Variants in TRAP1 observed in about 807,000 individuals in gnomAD.
The protein encoded by TRAP1 is heat shock protein 75 kDa, mitochondrial.
In TRAP1, 102 loss-of-function variants were observed where a neutral mutation model predicts 89.1. The ratio of observed to expected loss-of-function variants is 1.15; its 90% CI spans 0.98 to 1.35. The LOEUF is 1.35. TRAP1 is among the 40% of genes most tolerant of loss of function. The probability of loss-of-function intolerance (pLI) is 0.00; values close to 1 mark genes in which losing one functional copy is unlikely to be tolerated. For missense variants in TRAP1, 1,256 were observed against 945.3 expected, an observed-to-expected ratio of 1.33 and a Z score of -4.31; for synonymous variants, 508 against 388.0, an observed-to-expected ratio of 1.31 and a Z score of -3.64.
At chr16:3,687,703 G>C (rs1013379205) in intron 3 of TRAP1, among the ~76,000 whole-genome samples, 1 of 151,854 alleles carries the variant, frequency 6.6e-6, no homozygotes, top group African/African-American at 2.4e-5. Context: ...GGGCAACACG[G>C]CAAAACTCCG....
chr16:3,674,376 G>T lies in TRAP1; in HGVS notation c.1007C>A (p.Pro336Gln). 1 of 1,614,102 alleles carries T rather than the reference G, an allele frequency of 6.2e-7. No homozygotes were observed. The highest frequency in any genetic ancestry group is 1.7e-5 in the Admixed American group (1 of 60,026). ...RYTLHYKTDA[P>Q]LNIRSIFYVP... The stretch of plus-strand genomic sequence containing the variant: ...GTAGAAGATGCTGCGGATGTTGAGC[G>T]GTGCGTCCGTCTTATAGTGCAGGGT... Residue 336 changes from proline to glutamine, a missense_variant, in exon 9 of 18, where the codon CCG (proline) becomes CAG (glutamine). Pro to Gln is a moderately conservative substitution (Grantham distance 76). Transcript: ENST00000246957.
intron 1 of TRAP1, among the ~76,000 whole-genome samples, chr16:3,692,871 T>C (rs1308442071): frequency 6.6e-6 from 1 of 152,038 alleles, no homozygotes; most frequent in African/African-American, 2.4e-5. Context: ...AGTGCTAGGA[T>C]TACAGGCATG....
In TRAP1 at chr16:3,675,332, T is replaced by C. The variant is rs2050974627; in HGVS notation, c.880A>G (p.Thr294Ala). The part of the protein sequence containing the change: ...PLYLNGRRMN[T>A]LQAIWMMDPK... ...AGGAACTCAGGGCTCACCTGCAAGG[T>C]GTTCATCCGCCTTCCATTCAAGTAC... Residue 294 changes from threonine to alanine, a missense_variant, in exon 8 of 18, where the codon ACC becomes GCC. By Grantham distance (58) the Thr-to-Ala change is moderately conservative. Coordinates refer to ENST00000246957, the MANE Select transcript of TRAP1 (RefSeq NM_016292.3). 1.2e-6 allele frequency: 2 copies of C among 1,614,010 alleles called. No homozygotes were observed. Among genetic ancestry groups the C allele is most frequent in the Non-Finnish European group, 1.7e-6 (2 of 1,179,908 alleles).
At chr16:3,696,337 C>A (rs1413988022) in intron 1 of TRAP1, among the ~76,000 whole-genome samples, 2 of 152,108 alleles carry the variant, frequency 1.3e-5, no homozygotes, top group Non-Finnish European at 2.9e-5. Context: ...CAGAAGGGCT[C>A]CCAGTGGCAG....
intron 8 of TRAP1, chr16:3,674,836 C>A (rs2050966829): frequency 2.7e-6 from 1 of 368,776 alleles, no homozygotes; most frequent in Non-Finnish European, 5.1e-6. Flanking sequence ...CGCTGCACCG[C>A]AGCTGAGCCG....
At chr16:3,663,162 A>T in intron 14 of TRAP1, 195 bp from the exon 15 acceptor site, 1 of 657,960 alleles carries the variant, frequency 1.5e-6, no homozygotes, top group Non-Finnish European at 2.6e-6. Context: ...CAACTTGGTT[A>T]GGGCTTTAAA....
At chr16:3,658,546 G>C (rs2042860250) in intron 17 of TRAP1, 4 of 575,338 alleles carry the variant, frequency 7.0e-6, no homozygotes, top group South Asian at 2.1e-5. Context: ...CCAGGCGCAT[G>C]CCTGTAGTCC....
rs1436263704 is a variant in TRAP1 at position 3,662,925 on chromosome 16, G to A, written c.1751C>T (p.Ala584Val). 1 of 1,613,036 alleles carries A rather than the reference G, an allele frequency of 6.2e-7. No homozygotes were observed. The highest frequency in any genetic ancestry group is 2.2e-5 in the East Asian group (1 of 44,876). Residue 584 changes from alanine to valine, a missense_variant, in exon 15 of 18, where the codon GCC (alanine) becomes GTC (valine). Transcript: ENST00000246957. ...LSEKETEELMAWMRNVLGSRV... is the reference protein window; with the variant it reads ...LSEKETEELMVWMRNVLGSRV... ...CGACCCCAGCACATTTCTCATCCAGGCCATGAGCTCCTCCGTCTCCTTCTC... is the reference window on the plus strand; with the variant it reads ...CGACCCCAGCACATTTCTCATCCAGACCATGAGCTCCTCCGTCTCCTTCTC...
chr16:3,674,379 G>A lies in TRAP1; in HGVS notation c.1004C>T (p.Ala335Val). The change falls in exon 9 of 18, where the codon GCA becomes GTA. Residue 335 changes from alanine to valine, a missense_variant. Coordinates refer to ENST00000246957, the MANE Select transcript of TRAP1 (RefSeq NM_016292.3). ...PRYTLHYKTD[A>V]PLNIRSIFYV... ...GAAGATGCTGCGGATGTTGAGCGGTGCGTCCGTCTTATAGTGCAGGGTGTA... is the reference window on the plus strand; with the variant it reads ...GAAGATGCTGCGGATGTTGAGCGGTACGTCCGTCTTATAGTGCAGGGTGTA... 6.2e-7 allele frequency: 1 copy of A among 1,614,118 alleles called. No individual in the cohort carries two copies. The highest frequency in any genetic ancestry group is 1.3e-5 in the African/African-American group (1 of 75,074).
intron 13 of TRAP1, chr16:3,663,838 C>T: frequency 4.5e-6 from 2 of 442,362 alleles, no homozygotes; most frequent in East Asian, 4.2e-5. Context: ...CTTTGGGAGG[C>T]CAAAGCAGGC....
At chr16:3,679,283 C>G (rs1429430530) in intron 5 of TRAP1, among the ~76,000 whole-genome samples, 15 of 151,950 alleles carry the variant, frequency 9.9e-5, no homozygotes. Context: ...TTTGCAGATT[C>G]AACCAGCCAA....
chr16:3,696,590 C>G lies in TRAP1; in HGVS notation c.89-5605G>C, dbSNP rs139619796. Among the ~76,000 whole-genome samples the G allele has an allele frequency of 4.0e-4, 61 of 152,310 alleles. No homozygotes were observed. In the East Asian group the frequency reaches 0.011, roughly 27 times the overall value. On this transcript the variant is annotated intron_variant, in intron 1 of 17. Coordinates refer to ENST00000246957, the MANE Select transcript of TRAP1 (RefSeq NM_016292.3). ...TACTATTTTGAGACAGGGTCTCACT[C>G]TGTTGCCCAGGCTGGATCACAATGG...
rs944044419 is a variant in TRAP1 at position 3,661,992 on chromosome 16, G to T, written c.1935C>A (p.Asn645Lys). 6.2e-7 allele frequency: 1 copy of T among 1,606,034 alleles called. No homozygotes were observed. Among genetic ancestry groups the T allele is most frequent in the Non-Finnish European group, 8.5e-7 (1 of 1,175,568 alleles). The part of the protein sequence containing the change: ...AQLLQPTLEI[N>K]PRHALIKKLN... ...AGCCAGGAGCGTGGCCTCACCTGGG[G>T]TTGATCTCCAGCGTGGGCTGCAGGA... Residue 645 changes from asparagine (N) to lysine (K), a missense_variant, in exon 16 of 18, where the codon AAC becomes AAA. Physicochemically the swap from Asn to Lys is moderately conservative, Grantham distance 94. Coordinates refer to ENST00000246957, the MANE Select transcript of TRAP1 (RefSeq NM_016292.3).
At chr16:3,700,726 A>C (rs1256651355) in intron 1 of TRAP1, among the ~76,000 whole-genome samples, 1 of 152,156 alleles carries the variant, frequency 6.6e-6, no homozygotes, top group East Asian at 1.9e-4. Flanking sequence ...TCAGCCTCCC[A>C]AAGTGGTGGG....
At chr16:3,660,097 T>G (rs1258158737) in intron 16 of TRAP1, 1 of 152,162 alleles carries the variant, frequency 6.6e-6, no homozygotes, top group Non-Finnish European at 1.5e-5. Flanking sequence ...AAGGACATTC[T>G]TAATATGCTA....
chr16:3,663,296 G>A, intron 14 of TRAP1, 128 bp downstream of exon 14: 1 of 1,275,230 alleles, frequency 7.8e-7, no homozygotes, highest in Non-Finnish European at 1.1e-6. Flanking sequence ...GCTCCCACAA[G>A]GCTCTTCTCG....
Position 3,689,124 on chromosome 16 carries a change from T to C in TRAP1, c.261A>G (p.Lys87=), listed in dbSNP as rs780301180. The C allele has an allele frequency of 4.3e-6, 7 of 1,613,834 alleles. No homozygotes were observed. In the East Asian group the frequency reaches 1.1e-4, roughly 26 times the overall value. The change falls in exon 3 of 18, where the codon AAA becomes AAG. Residue 87 remains lysine, a synonymous_variant. Transcript: ENST00000246957. ...TCTTTGTCTCGGCCTGGAACTCATG[T>C]TTGGAAGTGGAACCTAGTAATGAAA... ...STESVQGSTS[K]HEFQAETKKL...
Position 3,675,362 on chromosome 16 carries a change from G to T in TRAP1, c.850C>A (p.Pro284Thr), listed in dbSNP as rs796163373. Residue 284 changes from proline (P) to threonine (T), a missense_variant, in exon 8 of 18, where the codon CCC becomes ACC. Transcript: ENST00000246957. The part of the protein sequence containing the change: ...VTKYSNFVSF[P>T]LYLNGRRMNT... ...ATCCGCCTTCCATTCAAGTACAAGG[G>T]GAAGCTGACGAAGTTGCTGTACTTC... The T allele has an allele frequency of 6.2e-7, 1 of 1,614,106 alleles. No homozygotes were observed. Among genetic ancestry groups the T allele is most frequent in the Non-Finnish European group, 8.5e-7 (1 of 1,179,972 alleles).
chr16:3,675,328 A>G lies in TRAP1; in HGVS notation c.884T>C (p.Leu295Ser). The change falls in exon 8 of 18, where the codon TTG becomes TCG. Residue 295 changes from leucine (L) to serine (S), a missense_variant. Coordinates refer to ENST00000246957, the MANE Select transcript of TRAP1 (RefSeq NM_016292.3). The stretch of plus-strand genomic sequence containing the variant: ...CTAGAGGAACTCAGGGCTCACCTGC[A>G]AGGTGTTCATCCGCCTTCCATTCAA... Reference protein sequence around the residue: ...LYLNGRRMNTLQAIWMMDPKD... With the variant: ...LYLNGRRMNTSQAIWMMDPKD... 6.2e-7 allele frequency: 1 copy of G among 1,614,038 alleles called. No homozygotes were observed. The highest frequency in any genetic ancestry group is 8.5e-7 in the Non-Finnish European group (1 of 1,179,924).
Sources: gnomAD v4.1 joint callset for allele counts (sites outside exome capture counted in the v4.1 genomes callset) on GRCh38, gnomAD v4.1.1 for gene constraint, MANE v1.5 for transcripts, NCBI Gene and HGNC (gene_info 2026-07-23, HGNC 2026-07-21) for gene names.